RORA: variants seen among roughly 807,000 people sequenced by gnomAD.
RORA encodes nuclear receptor ROR-alpha.
Under a neutral mutation model 69.5 loss-of-function variants are expected in RORA, and 7 were observed. The observed-to-expected ratio is 0.10, with a 90% CI of 0.06 to 0.19. RORA has a LOEUF of 0.19. RORA is among the 10% of genes least tolerant of loss of function. RORA has a pLI of 1.00. For missense variants in RORA, 457 were observed against 663.0 expected (o/e 0.69, Z 3.41); for synonymous variants, 261 against 240.8 (o/e 1.08, Z -0.78).
chr15:61,225,064 CA>C (rs748950882), intron 1 of RORA, among the ~76,000 whole-genome samples: 7 of 152,004 alleles, frequency 4.6e-5, no homozygotes, highest in Non-Finnish European at 1.0e-4. Flanking sequence ...ATTAATAATT[CA>C]ATTTTTTTTA....
intron 1 of RORA, among the ~76,000 whole-genome samples, chr15:61,209,340 C>T (rs2079969856): frequency 1.3e-5 from 2 of 151,896 alleles, no homozygotes; most frequent in African/African-American, 4.8e-5. Context: ...TTGGGTTTCA[C>T]TACTGTGATT....
chr15:60,600,992 G>T (rs1280138837), intron 2 of RORA: 1 of 152,128 alleles, frequency 6.6e-6, no homozygotes, highest in Non-Finnish European at 1.5e-5. Context: ...GGGGCACAGA[G>T]AAATTAAGTG....
At chr15:60,715,347 G>A (rs759322881) in intron 1 of RORA, among the ~76,000 whole-genome samples, 5 of 152,220 alleles carry the variant, frequency 3.3e-5, no homozygotes, top group Non-Finnish European at 5.9e-5. Context: ...ACACAATGAT[G>A]TGGCACAGTC....
chr15:61,019,882 C>T (rs1895444699), intron 1 of RORA, among the ~76,000 whole-genome samples: 1 of 152,192 alleles, frequency 6.6e-6, no homozygotes, highest in African/African-American at 2.4e-5. Context: ...GCTCCTGGTT[C>T]CTTTGCCACT....
intron 1 of RORA, among the ~76,000 whole-genome samples, chr15:60,944,634 A>G (rs560128483): frequency 6.8e-6 from 1 of 147,834 alleles, no homozygotes; most frequent in Non-Finnish European, 1.5e-5. Flanking sequence ...CTGAGGTGAG[A>G]GGACTGCTTG....
intron 1 of RORA, among the ~76,000 whole-genome samples, chr15:60,841,300 A>G (rs971336786): frequency 3.3e-5 from 5 of 152,166 alleles, no homozygotes; most frequent in Non-Finnish European, 7.3e-5. Flanking sequence ...TCTAGGGCTG[A>G]GTGATTGTGT....
chr15:61,032,086 A>G (rs1896200770), intron 1 of RORA, among the ~76,000 whole-genome samples: 1 of 152,218 alleles, frequency 6.6e-6, no homozygotes. Context: ...CATGTATGTC[A>G]AATTCAGCAC....
chr15:61,090,100 C>T (rs1405643706), intron 1 of RORA, among the ~76,000 whole-genome samples: 1 of 152,204 alleles, frequency 6.6e-6, no homozygotes, highest in Non-Finnish European at 1.5e-5. Context: ...TCGTAATATT[C>T]AGTAAGCAGA....
At chr15:61,034,233 TG>T (rs771696711) in intron 1 of RORA, among the ~76,000 whole-genome samples, 75 of 152,228 alleles carry the variant, frequency 4.9e-4, no homozygotes, top group Middle Eastern at 6.8e-3. Flanking sequence ...CTTGATGGAC[TG>T]AAACTAAGGG....
chr15:60,746,597 T>C (rs1426943917), intron 1 of RORA, among the ~76,000 whole-genome samples: 1 of 152,162 alleles, frequency 6.6e-6, no homozygotes, highest in African/African-American at 2.4e-5. Flanking sequence ...AACTGAAACC[T>C]TTGAAAGACA....
At chr15:60,764,901 G>T (rs1198408863) in intron 1 of RORA, 2 of 151,472 alleles carry the variant, frequency 1.3e-5, no homozygotes, top group Non-Finnish European at 2.9e-5. Flanking sequence ...TTTAAAAATG[G>T]GTTCATCATT....
chr15:60,989,626 A>C (rs1894311498), intron 1 of RORA, among the ~76,000 whole-genome samples: 1 of 152,174 alleles, frequency 6.6e-6, no homozygotes, highest in Non-Finnish European at 1.5e-5. Flanking sequence ...TGAGGCAGGA[A>C]CCCTGCCTGA....
intron 1 of RORA, among the ~76,000 whole-genome samples, chr15:61,104,496 T>A (rs754161031): frequency 6.6e-6 from 1 of 152,204 alleles, no homozygotes; most frequent in Non-Finnish European, 1.5e-5. Flanking sequence ...TTATCTTCAC[T>A]GCTCTGCTCA....
At chr15:60,626,583 T>C (rs1366316266) in intron 2 of RORA, among the ~76,000 whole-genome samples, 1 of 152,162 alleles carries the variant, frequency 6.6e-6, no homozygotes, top group East Asian at 1.9e-4. Flanking sequence ...TTTGCGTGGA[T>C]TGTCTCCTGT....
intron 3 of RORA, among the ~76,000 whole-genome samples, chr15:60,518,571 C>T (rs2066045321): frequency 6.6e-6 from 1 of 152,248 alleles, no homozygotes; most frequent in African/African-American, 2.4e-5. Flanking sequence ...CCACACCCAG[C>T]ACACCTTCTT....
intron 1 of RORA, among the ~76,000 whole-genome samples, chr15:60,817,243 CAA>C (rs2072831295): frequency 1.3e-5 from 2 of 152,194 alleles, no homozygotes; most frequent in South Asian, 4.1e-4. Context: ...TCAAGTCACA[CAA>C]TTTTTTTGGT....
chr15:60,597,350 C>G (rs1186555511), intron 2 of RORA, among the ~76,000 whole-genome samples: 18 of 150,586 alleles, frequency 1.2e-4, no homozygotes, highest in Non-Finnish European at 3.0e-5. Context: ...CAGAGCTGAG[C>G]AACCTCCACA....
At chr15:60,635,886 A>G (rs1000545080) in intron 2 of RORA, among the ~76,000 whole-genome samples, 1 of 152,100 alleles carries the variant, frequency 6.6e-6, no homozygotes, top group African/African-American at 2.4e-5. Context: ...CCTCTGCCCA[A>G]ATCAACTCCA....
intron 1 of RORA, among the ~76,000 whole-genome samples, chr15:61,037,885 A>C (rs1896540124): frequency 1.3e-5 from 2 of 152,230 alleles, no homozygotes; most frequent in East Asian, 3.8e-4. Flanking sequence ...CCTGAAGAGC[A>C]GACATAGCAT....
Sources: allele counts gnomAD v4.1 joint callset (sites outside exome capture counted in the v4.1 genomes callset), GRCh38; gene constraint gnomAD v4.1.1; transcripts MANE v1.5; gene names NCBI Gene and HGNC (gene_info 2026-07-23, HGNC 2026-07-21).